PLA2G4B: variants seen among roughly 807,000 people sequenced by gnomAD.
The protein encoded by PLA2G4B is cytosolic phospholipase A2 beta.
PLA2G4B carries 122 observed loss-of-function variants against 95.8 expected under a neutral mutation model. That is an observed-to-expected ratio of 1.27 (90% CI 1.10 to 1.48). The LOEUF (loss-of-function observed/expected upper bound fraction) is 1.48. Ranked by LOEUF, PLA2G4B falls within the 40% of genes most tolerant of loss-of-function variation. PLA2G4B has a pLI of 0.00. For missense variants in PLA2G4B, 1,158 were observed against 996.2 expected (o/e 1.16, Z -2.19); for synonymous variants, 518 against 421.5 (o/e 1.23, Z -2.80).
In PLA2G4B at chr15:41,845,028, C is replaced by G; in HGVS notation, c.1197C>G (p.Thr399=). 1 of 1,602,828 alleles carries G rather than the reference C, an allele frequency of 6.2e-7. No individual in the cohort carries two copies. The highest frequency in any genetic ancestry group is 1.7e-4 in the Middle Eastern group (1 of 6,048). Residue 399 remains threonine (T), a synonymous_variant, in exon 13 of 20, where the codon ACC becomes ACG. Transcript: ENST00000458483. Reference sequence around the variant, plus strand: ...GCTTGGGCTACCCAAGCTGCTTCACCAACCTGTGGGCCCTCATCAACGAGG... The same window carrying G: ...GCTTGGGCTACCCAAGCTGCTTCACGAACCTGTGGGCCCTCATCAACGAGG... ...RARLGYPSCF[T]NLWALINEAL... is the part of the protein sequence containing the mutation.
At position 41,848,132 on chromosome 15, in the gene PLA2G4B, G is replaced by T. The variant is rs1377077553; in HGVS notation, c.*272G>T. 3.5e-6 allele frequency: 2 copies of T among 571,402 alleles called. No homozygotes were observed. Among genetic ancestry groups the T allele is most frequent in the Non-Finnish European group, 6.2e-6 (2 of 320,408 alleles). The allele number at this position is 571,402 out of a possible 1,614,324, so 35.4% of individuals were successfully genotyped here. ...TAGTTGGAGCACTTGATACATCACA[G>T]ACTCATACAAATGTGAGGCGCTGAG... On this transcript the variant is annotated 3_prime_UTR_variant, in exon 20 of 20. Transcript: ENST00000458483.
At chr15:41,845,382 G>A in intron 14 of PLA2G4B, 62 bp downstream of exon 14, 1 of 1,577,568 alleles carries the variant, frequency 6.3e-7, no homozygotes, top group Non-Finnish European at 8.7e-7. Flanking sequence ...GGAGAACGAG[G>A]ACTGTGTGCA....
intron 2 of PLA2G4B, 96 bp from the exon 3 acceptor site, chr15:41,840,428 C>T: frequency 6.2e-7 from 1 of 1,603,780 alleles, no homozygotes; most frequent in Non-Finnish European, 8.5e-7. Flanking sequence ...CCCCCTCAGT[C>T]TTAACCCACA....
chr15:41,846,898 G>A, intron 18 of PLA2G4B, 63 bp downstream of exon 18: 2 of 1,508,150 alleles, frequency 1.3e-6, no homozygotes, highest in East Asian at 4.6e-5. Flanking sequence ...TGAAGAGAGG[G>A]GCTTTGGAGT....
chr15:41,844,167 G>C (rs1176797149), intron 11 of PLA2G4B, among the ~76,000 whole-genome samples: 1 of 152,208 alleles, frequency 6.6e-6, no homozygotes, highest in Non-Finnish European at 1.5e-5. Context: ...ATGGCAATTT[G>C]GGAAAATTCT....
intron 18 of PLA2G4B, 56 bp from the exon 19 acceptor site, chr15:41,847,281 G>T (rs944719490): frequency 1.3e-5 from 20 of 1,541,030 alleles, no homozygotes; most frequent in Admixed American, 3.8e-5. Flanking sequence ...GTCAGCCCCA[G>T]TGTTGAGGAT....
intron 9 of PLA2G4B, 56 bp from the exon 10 acceptor site, chr15:41,842,497 AC>A: frequency 6.2e-7 from 1 of 1,607,954 alleles, no homozygotes. Flanking sequence ...GGGTAAGAGG[AC>A]CAGAGCTGGG....
intron 14 of PLA2G4B, 28 bp downstream of exon 14, chr15:41,845,348 G>A (rs201463988): frequency 1.9e-6 from 3 of 1,608,352 alleles, no homozygotes; most frequent in Non-Finnish European, 1.7e-6. Flanking sequence ...TGAGACCTGT[G>A]CCCTTGCAGT....
At position 41,840,230 on chromosome 15, in the gene PLA2G4B, G is replaced by C. The variant is rs745989136; in HGVS notation, c.82G>C (p.Val28Leu). ...QAHRLPSKDL[V>L]TPSDCYVTLW... ...CCATCGCCTACCCTCTAAGGACCTA[G>C]GTGAGTGCGCACCGCCCTGGCCCCT... is the stretch of plus-strand genomic sequence containing the variant. Residue 28 changes from valine (V) to leucine (L), a missense_variant and splice_region_variant, in exon 2 of 20, where the codon GTG (valine) becomes CTG (leucine). Val to Leu is a conservative substitution (Grantham distance 32). Coordinates refer to ENST00000458483, the MANE Select transcript of PLA2G4B (RefSeq NM_001114633.2). The C allele has an allele frequency of 1.9e-6, 3 of 1,612,858 alleles. No individual in the cohort carries two copies. Among genetic ancestry groups the C allele is most frequent in the Admixed American group, 3.3e-5 (2 of 59,998 alleles).
In PLA2G4B at chr15:41,840,897, A is replaced by C. The variant is rs769489846; in HGVS notation, c.343A>C (p.Ser115Arg). 6.2e-7 allele frequency: 1 copy of C among 1,612,944 alleles called. No homozygotes were observed. The change falls in exon 4 of 20, where the codon AGC (serine) becomes CGC (arginine). Residue 115 changes from serine (S) to arginine (R), a missense_variant. By Grantham distance (110) the Ser-to-Arg change is moderately radical. Coordinates refer to ENST00000458483, the MANE Select transcript of PLA2G4B (RefSeq NM_001114633.2). ...GEFRRESFSL[S>R]PQGEGRLEVE... The stretch of plus-strand genomic sequence containing the variant: ...GTTCCGGCGCGAGAGCTTCTCACTG[A>C]GCCCTCAGGCAAGGCGGTGTTTCCA...
intron 12 of PLA2G4B, 47 bp downstream of exon 12, chr15:41,844,654 C>T: frequency 1.9e-6 from 3 of 1,612,444 alleles, no homozygotes; most frequent in East Asian, 2.2e-5. Context: ...GCAGGGGGTG[C>T]TGGTGCCAGG....
rs1406921677 is a variant in PLA2G4B at position 41,846,110 on chromosome 15, G to A, written c.1600+63G>A. ...CAGCCAGCTGGGGCTGCACCAGGGG[G>A]CGGGGGGTTCACACCTCTTCCCCCT... On this transcript the variant is annotated intron_variant, in intron 16 of 19. Transcript: ENST00000458483. 5 of 1,575,676 alleles carry A rather than the reference G, an allele frequency of 3.2e-6. No homozygotes were observed. The African/African-American group carries it at 4.1e-5, about 13-fold the overall frequency.
At chr15:41,839,886 A>C in intron 1 of PLA2G4B, 1 of 420,530 alleles carries the variant, frequency 2.4e-6, no homozygotes, top group Non-Finnish European at 4.3e-6. Flanking sequence ...GCCATCGTAA[A>C]TAGTATCTGT....
chr15:41,846,820 C>T lies in PLA2G4B; in HGVS notation c.1932C>T (p.Leu644=). The T allele has an allele frequency of 6.2e-7, 1 of 1,611,480 alleles. No homozygotes were observed. ...TCATCCTGTCATTGGACTACAACCT[C>T]CACGGAGCCTTCCAGGTTGGGAAGG... ...VDLILSLDYN[L]HGAFQQLQLL... Residue 644 remains leucine, a synonymous_variant, in exon 18 of 20, where the codon CTC becomes CTT. Transcript: ENST00000458483.
chr15:41,841,147 A>G (rs765408690), intron 5 of PLA2G4B, 52 bp downstream of exon 5: 16 of 1,613,452 alleles, frequency 9.9e-6, no homozygotes, highest in Non-Finnish European at 1.4e-5. Flanking sequence ...TGGGAAGGAC[A>G]GCACTAGTGC....
At chr15:41,841,436 G>T in intron 6 of PLA2G4B, 81 bp from the exon 7 acceptor site, 1 of 1,610,492 alleles carries the variant, frequency 6.2e-7, no homozygotes, top group Non-Finnish European at 8.5e-7. Flanking sequence ...GTGCAGACCA[G>T]CAGCAGCCAG....
At chr15:41,842,802 G>A in intron 10 of PLA2G4B, 2 of 676,076 alleles carry the variant, frequency 3.0e-6, no homozygotes, top group Non-Finnish European at 4.5e-6. Context: ...CGAGTGACCG[G>A]CCCAGTGCCA....
At chr15:41,844,755 G>A (rs2065501245) in intron 12 of PLA2G4B, 93 bp from the exon 13 acceptor site, 1 of 1,538,684 alleles carries the variant, frequency 6.5e-7, no homozygotes, top group Non-Finnish European at 8.8e-7. Flanking sequence ...GAAGGTCCCT[G>A]CCAGGCCATT....
At chr15:41,844,276 G>C (rs1049384236) in intron 11 of PLA2G4B, among the ~76,000 whole-genome samples, 195 bp from the exon 12 acceptor site, 7 of 152,204 alleles carry the variant, frequency 4.6e-5, no homozygotes, top group Admixed American at 1.3e-4. Flanking sequence ...TTTTCCTGGA[G>C]CCCTTAGGAC....
Sources: allele counts gnomAD v4.1 joint callset (sites outside exome capture counted in the v4.1 genomes callset), GRCh38; gene constraint gnomAD v4.1.1; transcripts MANE v1.5; gene names NCBI Gene and HGNC (gene_info 2026-07-23, HGNC 2026-07-21).